The following PDE8B variants were observed in gnomAD, a reference collection of about 807,000 sequenced individuals.
The protein encoded by PDE8B is phosphodiesterase 8B, also known as high affinity cAMP-specific and IBMX-insensitive 3',5'-cyclic phosphodiesterase 8B.
PDE8B carries 26 observed loss-of-function variants against 101.3 expected under a neutral mutation model. That is an observed-to-expected ratio of 0.26 (90% CI 0.19 to 0.36). The LOEUF (loss-of-function observed/expected upper bound fraction) is 0.36. PDE8B is among the 10% of genes least tolerant of loss of function. The pLI is 1.00. For synonymous variants in PDE8B, 424 were observed against 429.3 expected, an observed-to-expected ratio of 0.99 and a Z score of 0.15; for missense variants, 810 against 1,163.1, an observed-to-expected ratio of 0.70 and a Z score of 4.42.
At chr5:77,308,788 TCTC>T (rs1288816811) in intron 1 of PDE8B, among the ~76,000 whole-genome samples, 2 of 152,134 alleles carry the variant, frequency 1.3e-5, no homozygotes, top group African/African-American at 4.8e-5. Flanking sequence ...CATCAGATAT[TCTC>T]CTGGTAGAGT....
rs145097810 is a variant in PDE8B, at chr5:77,323,115, C to T, written c.400-2424C>T. 1.6e-3 allele frequency among the ~76,000 whole-genome samples: 250 copies of T among 152,340 alleles called. 4 individuals are homozygous for T. The South Asian group carries it at 0.046, about 28-fold the overall frequency. On this transcript the variant is annotated intron_variant, in intron 2 of 21. Coordinates refer to ENST00000264917, the MANE Select transcript of PDE8B (RefSeq NM_003719.5). ...GTTTCTTGTGTTAATACCACAGCTA[C>T]ACCAAGTAAAAGGTTATTGACTTTT...
At chr5:77,240,086 C>CT (rs113198520) in intron 1 of PDE8B, among the ~76,000 whole-genome samples, 21,379 of 145,632 alleles carry the variant, frequency 0.15, 2,059 homozygotes, top group East Asian at 0.5. Context: ...TAAAATGAAG[C>CT]TTTTTTTTTT....
At chr5:77,130,231 C>T in the PDE8B span, among the ~76,000 whole-genome samples, 1 of 152,124 alleles carries the variant, frequency 6.6e-6, no homozygotes, top group African/African-American at 2.4e-5. Context: ...CCAGGGGAGG[C>T]AGAGTAGCTA....
intron 10 of PDE8B, among the ~76,000 whole-genome samples, chr5:77,391,732 G>A (rs1315946805): frequency 3.3e-5 from 5 of 152,212 alleles, no homozygotes; most frequent in Non-Finnish European, 7.3e-5. Flanking sequence ...CGGCTGGCCC[G>A]AGGGGCAGAG....
At chr5:77,392,743 A>AG (rs1790200448) in intron 10 of PDE8B, among the ~76,000 whole-genome samples, 1 of 152,148 alleles carries the variant, frequency 6.6e-6, no homozygotes, top group South Asian at 2.1e-4. Context: ...CTTAGCCTGT[A>AG]GGGAGGGTGG....
At chr5:77,088,794 C>T in the PDE8B span, 1 of 152,018 alleles carries the variant, frequency 6.6e-6, no homozygotes, top group Non-Finnish European at 1.5e-5. Flanking sequence ...CATGGAGGGC[C>T]AAAAGGTAAC....
the PDE8B span, among the ~76,000 whole-genome samples, chr5:77,173,041 T>C: frequency 6.6e-6 from 1 of 152,174 alleles, no homozygotes; most frequent in African/African-American, 2.4e-5. Flanking sequence ...AGTGAATGCA[T>C]GTAGAGGTGG....
At chr5:77,172,305 T>C in the PDE8B span, among the ~76,000 whole-genome samples, 1 of 152,198 alleles carries the variant, frequency 6.6e-6, no homozygotes, top group South Asian at 2.1e-4. Context: ...CTGAATAACC[T>C]GACTGATGAA....
chr5:77,092,708 C>G, the PDE8B span, among the ~76,000 whole-genome samples: 1 of 151,992 alleles, frequency 6.6e-6, no homozygotes, highest in African/African-American at 2.4e-5. Context: ...TACTTGAGCC[C>G]AGGAGTTCGA....
chr5:77,204,406 G>A, the PDE8B span, among the ~76,000 whole-genome samples: 10,179 of 128,166 alleles, frequency 0.079, 649 homozygotes, highest in East Asian at 0.45. Flanking sequence ...ATGAGACTCT[G>A]TCTCAAAAAA....
chr5:77,226,811 G>C (rs1379028733), intron 1 of PDE8B, among the ~76,000 whole-genome samples: 1 of 152,108 alleles, frequency 6.6e-6, no homozygotes, highest in African/African-American at 2.4e-5. Context: ...TTTCAACCCA[G>C]CTATAGTTTC....
chr5:77,309,793 T>C (rs1772124790), intron 1 of PDE8B, among the ~76,000 whole-genome samples: 1 of 151,400 alleles, frequency 6.6e-6, no homozygotes, highest in Admixed American at 6.6e-5. Context: ...CTAATTTTTG[T>C]ATTTTGAGTA....
chr5:77,256,455 A>T (rs1759192109), intron 1 of PDE8B, among the ~76,000 whole-genome samples: 1 of 152,222 alleles, frequency 6.6e-6, no homozygotes, highest in Non-Finnish European at 1.5e-5. Context: ...TTAAGAAAAC[A>T]TAATATTCTA....
At chr5:77,365,181 C>G (rs906100368) in intron 10 of PDE8B, among the ~76,000 whole-genome samples, 1 of 152,144 alleles carries the variant, frequency 6.6e-6, no homozygotes. Context: ...ACATTGGAAT[C>G]ACCTGGAGAA....
intron 1 of PDE8B, among the ~76,000 whole-genome samples, chr5:77,297,769 A>G (rs533876946): frequency 1.3e-5 from 2 of 152,298 alleles, no homozygotes; most frequent in East Asian, 1.9e-4. Context: ...CTGTTCACAC[A>G]AACTCTGTTC....
Position 77,408,947 on chromosome 5 carries a change from G to A in PDE8B, c.1420G>A (p.Ala474Thr), listed in dbSNP as rs772274378. 2 of 1,613,526 alleles carry A rather than the reference G, an allele frequency of 1.2e-6. No individual in the cohort carries two copies. The highest frequency in any genetic ancestry group is 1.7e-6 in the Non-Finnish European group (2 of 1,179,442). Residue 474 changes from alanine (A) to threonine (T), a missense_variant, in exon 14 of 22, where the codon GCC becomes ACC. Coordinates refer to ENST00000264917, the MANE Select transcript of PDE8B (RefSeq NM_003719.5). ...QENSPVTVAE[A>T]LDRVLEILRT... ...AAACAGCCCAGTCACAGTAGCGGAA[G>A]CCTTGGACAGAGTTCTAGAGATTTT...
At chr5:77,247,557 A>G (rs560053483) in intron 1 of PDE8B, among the ~76,000 whole-genome samples, 41 of 152,068 alleles carry the variant, frequency 2.7e-4, no homozygotes, top group Non-Finnish European at 5.9e-4. Flanking sequence ...ATGTTCATCA[A>G]TATCACTTTT....
the PDE8B span, among the ~76,000 whole-genome samples, chr5:77,124,811 A>G: frequency 6.6e-6 from 1 of 152,196 alleles, no homozygotes; most frequent in Admixed American, 6.5e-5. Flanking sequence ...GAAGCTACCC[A>G]AAGTGAAGCA....
intron 1 of PDE8B, among the ~76,000 whole-genome samples, chr5:77,237,311 C>T (rs1346703218): frequency 2.0e-5 from 3 of 152,080 alleles, no homozygotes; most frequent in Non-Finnish European, 4.4e-5. Context: ...TTTCATTCCT[C>T]TGTTCCATCT....
Sources: allele counts gnomAD v4.1 joint callset (sites outside exome capture counted in the v4.1 genomes callset), GRCh38; gene constraint gnomAD v4.1.1; transcripts MANE v1.5; gene names NCBI Gene and HGNC (gene_info 2026-07-23, HGNC 2026-07-21).